The following CLSTN2 variants were observed in gnomAD, a reference collection of about 807,000 sequenced individuals.
CLSTN2 encodes calsyntenin-2.
Under a neutral mutation model 101.2 loss-of-function variants are expected in CLSTN2, and 48 were observed. The observed-to-expected ratio is 0.47, with a 90% CI of 0.38 to 0.60. The LOEUF is 0.60. Among genes scored for constraint, CLSTN2 ranks in the 20% least tolerant of loss-of-function variants. The pLI is 0.00. For synonymous variants in CLSTN2, 481 were observed against 463.6 expected (o/e 1.04, Z -0.48); for missense variants, 1,160 against 1,238.2 (o/e 0.94, Z 0.95).
At chr3:140,224,686 A>G (rs1410085451) in intron 2 of CLSTN2, among the ~76,000 whole-genome samples, 4 of 152,204 alleles carry the variant, frequency 2.6e-5, no homozygotes, top group Non-Finnish European at 4.4e-5. Flanking sequence ...ACATAATAAT[A>G]TAGACCTTCT....
At chr3:140,467,496 G>A (rs2108021739) in intron 8 of CLSTN2, among the ~76,000 whole-genome samples, 1 of 152,318 alleles carries the variant, frequency 6.6e-6, no homozygotes, top group South Asian at 2.1e-4. Flanking sequence ...AATGCCAGCA[G>A]TCAGAAAATG....
At chr3:140,364,580 G>A (rs1195973688) in intron 2 of CLSTN2, among the ~76,000 whole-genome samples, 4 of 152,132 alleles carry the variant, frequency 2.6e-5, no homozygotes, top group Admixed American at 1.3e-4. Context: ...AGCTAAGGGT[G>A]GGGTAGGGAG....
rs1394460269 is a variant in CLSTN2, at chr3:140,340,430, T to C, written c.233-63199T>C. On this transcript the variant is annotated intron_variant, in intron 2 of 16. Coordinates refer to ENST00000458420, the MANE Select transcript of CLSTN2 (RefSeq NM_022131.3). ...ACAAATAATCTGTATACCCATAGAA[T>C]GATTGTATATGCAAAGAGAGGGCTA... Among the ~76,000 whole-genome samples the C allele has an allele frequency of 2.0e-5, 3 of 152,352 alleles. No individual in the cohort carries two copies. In the East Asian group the frequency reaches 5.8e-4, roughly 29 times the overall value.
intron 5 of CLSTN2, among the ~76,000 whole-genome samples, chr3:140,427,242 TATAC>T (rs2088582072): frequency 2.4e-5 from 3 of 127,376 alleles, no homozygotes; most frequent in African/African-American, 1.0e-4. Context: ...TATATATATA[TATAC>T]ATATATATAT....
chr3:140,171,777 AT>A (rs2010232760), intron 1 of CLSTN2, among the ~76,000 whole-genome samples: 1 of 79,182 alleles, frequency 1.3e-5, no homozygotes. Flanking sequence ...TATAATATGT[AT>A]TATATAATAT....
chr3:140,238,614 GA>G (rs2086435389), intron 2 of CLSTN2, among the ~76,000 whole-genome samples: 1 of 152,122 alleles, frequency 6.6e-6, no homozygotes, highest in South Asian at 2.1e-4. Context: ...AAAAAAAGAA[GA>G]ACATTTGGCC....
intron 1 of CLSTN2, among the ~76,000 whole-genome samples, chr3:140,035,910 A>G (rs776519752): frequency 1.3e-5 from 2 of 151,800 alleles, no homozygotes; most frequent in Admixed American, 6.6e-5. Context: ...CTCCCTGTGC[A>G]TTTTCTTCCC....
chr3:140,510,156 A>G lies in CLSTN2; in HGVS notation c.1345-22168A>G, dbSNP rs189273818. 5.3e-5 allele frequency among the ~76,000 whole-genome samples: 8 copies of G among 152,344 alleles called. No individual in the cohort carries two copies. The East Asian group carries it at 1.5e-3, about 29-fold the overall frequency. On this transcript the variant is annotated intron_variant, in intron 8 of 16. Coordinates refer to ENST00000458420, the MANE Select transcript of CLSTN2 (RefSeq NM_022131.3). Reference sequence around the variant, plus strand: ...ATTGAAAGTCAAAAACAATGGTTATATTAGTACTCAAAGTACAGTCTCTAC... The same window carrying G: ...ATTGAAAGTCAAAAACAATGGTTATGTTAGTACTCAAAGTACAGTCTCTAC...
intron 2 of CLSTN2, among the ~76,000 whole-genome samples, chr3:140,232,457 T>A (rs1229647129): frequency 6.6e-6 from 1 of 152,020 alleles, no homozygotes; most frequent in East Asian, 1.9e-4. Context: ...GGGGTCCCCT[T>A]GGACTCTCTG....
intron 2 of CLSTN2, among the ~76,000 whole-genome samples, chr3:140,358,305 C>T (rs1261285903): frequency 6.6e-6 from 1 of 152,150 alleles, no homozygotes; most frequent in Admixed American, 6.5e-5. Flanking sequence ...GGGTCAGCAG[C>T]TTCACAGGGC....
chr3:140,087,658 A>T (rs1336553832), intron 1 of CLSTN2, among the ~76,000 whole-genome samples: 2 of 152,232 alleles, frequency 1.3e-5, no homozygotes, highest in African/African-American at 2.4e-5. Context: ...GAAAATAAAA[A>T]GTAAACATAC....
chr3:140,075,792 G>A (rs1023844846), intron 1 of CLSTN2, among the ~76,000 whole-genome samples: 23 of 152,182 alleles, frequency 1.5e-4, no homozygotes, highest in Admixed American at 9.8e-4. Flanking sequence ...ACAGTCACTG[G>A]GGATGTGAAC....
chr3:140,097,981 C>A (rs1462910179), intron 1 of CLSTN2, among the ~76,000 whole-genome samples: 1 of 152,038 alleles, frequency 6.6e-6, no homozygotes, highest in Non-Finnish European at 1.5e-5. Flanking sequence ...CTATACAATG[C>A]CATGATATAA....
rs1934198620 is a variant in CLSTN2, at chr3:140,484,593, A to G, written c.1344+17862A>G. On this transcript the variant is annotated intron_variant, in intron 8 of 16. Coordinates refer to ENST00000458420, the MANE Select transcript of CLSTN2 (RefSeq NM_022131.3). ...TAGTTCCATTCTCCCCATCACTTTC[A>G]GGTACACCAATCAGATGTAGATTTG... Among the ~76,000 whole-genome samples the G allele has an allele frequency of 2.0e-5, 3 of 152,276 alleles. No homozygotes were observed. The South Asian group carries it at 6.2e-4, about 32-fold the overall frequency.
At chr3:140,370,087 G>A (rs1288442725) in intron 2 of CLSTN2, among the ~76,000 whole-genome samples, 2 of 152,216 alleles carry the variant, frequency 1.3e-5, no homozygotes, top group African/African-American at 2.4e-5. Flanking sequence ...CAGGTGAGAG[G>A]ACGTGTGAAC....
intron 1 of CLSTN2, among the ~76,000 whole-genome samples, chr3:140,056,376 C>G (rs2008096791): frequency 6.6e-6 from 1 of 152,156 alleles, no homozygotes. Context: ...GTTAGGTGAC[C>G]TCCCCTCTGT....
chr3:140,126,955 A>G (rs1417690570), intron 1 of CLSTN2, among the ~76,000 whole-genome samples: 1 of 152,020 alleles, frequency 6.6e-6, no homozygotes, highest in Non-Finnish European at 1.5e-5. Flanking sequence ...AAATAATGTA[A>G]TTAGCAAAAT....
rs529465756 is a variant in CLSTN2, at chr3:140,339,754, A to G, written c.233-63875A>G. On this transcript the variant is annotated intron_variant, in intron 2 of 16. Transcript: ENST00000458420. ...CAAATACTCAAACTATGCAAAAACC[A>G]TTACACATGACATGGTTAATGAACA... Among the ~76,000 whole-genome samples the G allele has an allele frequency of 3.3e-5, 5 of 152,352 alleles. No homozygotes were observed. The Middle Eastern group carries it at 0.01, about 311-fold the overall frequency.
At chr3:140,369,398 C>G (rs2107956078) in intron 2 of CLSTN2, among the ~76,000 whole-genome samples, 2 of 152,236 alleles carry the variant, frequency 1.3e-5, no homozygotes, top group South Asian at 4.2e-4. Context: ...CAGAGGGAGG[C>G]CAGCCAGAGA....
Sources: gnomAD v4.1 joint callset for allele counts (sites outside exome capture counted in the v4.1 genomes callset) on GRCh38, gnomAD v4.1.1 for gene constraint, MANE v1.5 for transcripts, NCBI Gene and HGNC (gene_info 2026-07-23, HGNC 2026-07-21) for gene names.